Variants in ZNF423 observed in about 807,000 individuals in gnomAD.
The protein encoded by ZNF423 is Ebf-associated zinc finger protein.
In ZNF423, 12 loss-of-function variants were observed where a neutral mutation model predicts 95.8. That is an observed-to-expected ratio of 0.13 (90% CI 0.08 to 0.20). The LOEUF (loss-of-function observed/expected upper bound fraction) is 0.20. Ranked by LOEUF, ZNF423 falls within the 10% of genes least tolerant of loss-of-function variation. The probability of loss-of-function intolerance (pLI) is 1.00; values close to 1 mark genes in which losing one functional copy is unlikely to be tolerated. For synonymous variants in ZNF423, 749 were observed against 711.9 expected (o/e 1.05, Z -0.83); for missense variants, 1,316 against 1,737.1 (o/e 0.76, Z 4.31).
intron 3 of ZNF423, among the ~76,000 whole-genome samples, chr16:49,639,925 G>A (rs779006144): frequency 4.6e-5 from 7 of 152,310 alleles, no homozygotes; most frequent in East Asian, 1.9e-4. Context: ...GACATTCCCC[G>A]GCGGGGGCCG....
At chr16:49,663,403 C>A (rs12920279) in intron 3 of ZNF423, among the ~76,000 whole-genome samples, 2 of 151,786 alleles carry the variant, frequency 1.3e-5, no homozygotes, top group South Asian at 2.1e-4. Flanking sequence ...GCCCACCCCC[C>A]TCGAGGCCCT....
chr16:49,575,993 C>T (rs1396130565), intron 5 of ZNF423, among the ~76,000 whole-genome samples: 4 of 152,276 alleles, frequency 2.6e-5, no homozygotes, highest in East Asian at 1.9e-4. Flanking sequence ...TGGCTCTCTC[C>T]TGATCACCCC....
chr16:49,793,928 A>G (rs2034456232), intron 1 of ZNF423, among the ~76,000 whole-genome samples: 1 of 152,218 alleles, frequency 6.6e-6, no homozygotes, highest in Admixed American at 6.5e-5. Context: ...GAGGGGTCCC[A>G]GCAGTGGGGT....
intron 7 of ZNF423, among the ~76,000 whole-genome samples, chr16:49,521,177 G>A (rs184994860): frequency 3.3e-5 from 5 of 152,306 alleles, no homozygotes; most frequent in African/African-American, 7.2e-5. Flanking sequence ...GCTCAAAAAC[G>A]TCAGGATGGG....
chr16:49,507,931 AGAAATGTC>A (rs1447470155), intron 7 of ZNF423, among the ~76,000 whole-genome samples: 5 of 152,228 alleles, frequency 3.3e-5, no homozygotes, highest in Non-Finnish European at 5.9e-5. Context: ...GGGGTCACAC[AGAAATGTC>A]GGCCAGGGGC....
intron 2 of ZNF423, among the ~76,000 whole-genome samples, chr16:49,742,551 G>A (rs867223444): frequency 3.9e-5 from 6 of 151,966 alleles, no homozygotes; most frequent in East Asian, 1.9e-4. Flanking sequence ...TTACCTCCTC[G>A]TGACCTCCTG....
At chr16:49,542,047 T>C (rs1309958292) in intron 5 of ZNF423, among the ~76,000 whole-genome samples, 1 of 152,250 alleles carries the variant, frequency 6.6e-6, no homozygotes, top group Non-Finnish European at 1.5e-5. Flanking sequence ...ATGTTGGTAA[T>C]GACTAGGCCT....
At chr16:49,623,729 C>T (rs891989942) in intron 5 of ZNF423, among the ~76,000 whole-genome samples, 1 of 152,166 alleles carries the variant, frequency 6.6e-6, no homozygotes, top group Non-Finnish European at 1.5e-5. Context: ...ACCTGCTCTT[C>T]CTGGGCCCCT....
intron 5 of ZNF423, among the ~76,000 whole-genome samples, chr16:49,548,149 G>A (rs774106254): frequency 2.0e-5 from 3 of 152,174 alleles, no homozygotes; most frequent in Non-Finnish European, 4.4e-5. Flanking sequence ...CACCTCACCC[G>A]ACCTCACCCA....
chr16:49,854,135 C>G lies in ZNF423; in HGVS notation c.40+1600G>C, dbSNP rs1161978904. ...AGTCTCTCTTCTGGTTTCCCTGTCC[C>G]CCAATCAGAACACCCTCTGAACCCC... On this transcript the variant is annotated intron_variant, in intron 1 of 7. Coordinates refer to ENST00000563137, the MANE Select transcript of ZNF423 (RefSeq NM_001379286.1). The G allele has an allele frequency of 3.0e-6, 3 of 985,360 alleles. No individual in the cohort carries two copies. In the East Asian group the frequency reaches 3.4e-4, roughly 112 times the overall value. The allele number at this position is 985,360 out of a possible 1,614,324, so 61.0% of individuals were successfully genotyped here.
chr16:49,638,599 T>G lies in ZNF423; in HGVS notation c.577A>C (p.Ile193Leu). The change falls in exon 4 of 8, where the codon ATC becomes CTC. Residue 193 changes from isoleucine (I) to leucine (L), a missense_variant. By Grantham distance (5) the Ile-to-Leu change is conservative. Transcript: ENST00000563137. The surrounding 1 kb of genome is among the most constrained non-coding windows in gnomAD (Gnocchi z 5.6). The part of the protein sequence containing the change: ...FKHKRSRDRH[I>L]KLHTGDKKYH... ...TTCTTGTCGCCCGTATGCAGCTTGATGTGCCGGTCACGGCTCCTCTTGTGC... is the reference window on the plus strand; with the variant it reads ...TTCTTGTCGCCCGTATGCAGCTTGAGGTGCCGGTCACGGCTCCTCTTGTGC... 6 of 1,613,918 alleles carry G rather than the reference T, an allele frequency of 3.7e-6. No homozygotes were observed. The highest frequency in any genetic ancestry group is 5.1e-6 in the Non-Finnish European group (6 of 1,179,976).
intron 6 of ZNF423, among the ~76,000 whole-genome samples, chr16:49,525,132 C>A (rs1002898416): frequency 6.6e-6 from 1 of 152,186 alleles, no homozygotes; most frequent in African/African-American, 2.4e-5. Context: ...TGCCAACCAG[C>A]CTGCTGATGA....
chr16:49,644,658 C>CAAAAAAA lies in ZNF423; in HGVS notation c.302-5791_302-5785dup, dbSNP rs56066766. ...GGGTAACAAGAGTAAAACTCTGACTCAAAAAAAAAAAAAAAAAAAAAAAAA... is the reference window on the plus strand; with the variant it reads ...GGGTAACAAGAGTAAAACTCTGACTCAAAAAAAAAAAAAAAAAAAAAAAAAAAAAAAA... On this transcript the variant is annotated intron_variant, in intron 3 of 7. Transcript: ENST00000563137. 4.3e-4 allele frequency among the ~76,000 whole-genome samples: 17 copies of CAAAAAAA among 39,580 alleles called. 2 individuals carry two copies. The highest frequency in any genetic ancestry group is 7.0e-4 in the Non-Finnish European group (16 of 23,014). 26.0% of individuals were successfully genotyped at this position (39,580 alleles called of 152,430 possible).
At chr16:49,839,189 G>A (rs940980260) in intron 1 of ZNF423, among the ~76,000 whole-genome samples, 13 of 149,990 alleles carry the variant, frequency 8.7e-5, no homozygotes, top group Non-Finnish European at 1.5e-4. Flanking sequence ...GATCCTACAA[G>A]GCAACTGCGC....
chr16:49,659,319 T>C (rs1230114026), intron 3 of ZNF423, among the ~76,000 whole-genome samples: 5 of 152,228 alleles, frequency 3.3e-5, no homozygotes, highest in Non-Finnish European at 5.9e-5. Context: ...CTCAAACTCC[T>C]GGGCTAAACC....
chr16:49,606,255 T>A lies in ZNF423; in HGVS notation c.3601+19915A>T, dbSNP rs148673801. Among the ~76,000 whole-genome samples, 465 of 145,280 alleles carry A rather than the reference T, an allele frequency of 3.2e-3. 9 individuals carry two copies. In the Middle Eastern group the frequency reaches 0.051, roughly 16 times the overall value. The stretch of plus-strand genomic sequence containing the variant: ...CCTGTGCAGTAAGAAGAAACATCTG[T>A]AATGCCCACCGACAGCAGAAGGGGC... On this transcript the variant is annotated intron_variant, in intron 5 of 7. Transcript: ENST00000563137.
chr16:49,549,691 C>T (rs985509718), intron 5 of ZNF423, among the ~76,000 whole-genome samples: 1 of 152,176 alleles, frequency 6.6e-6, no homozygotes, highest in Non-Finnish European at 1.5e-5. Flanking sequence ...GTCCTTGTAA[C>T]GTCCTTTTGT....
At chr16:49,498,299 T>TG (rs1443152760) in intron 7 of ZNF423, among the ~76,000 whole-genome samples, 2 of 152,250 alleles carry the variant, frequency 1.3e-5, no homozygotes, top group Non-Finnish European at 2.9e-5. Context: ...ATGGCAGTGC[T>TG]GGGTCTGCAC....
intron 5 of ZNF423, among the ~76,000 whole-genome samples, chr16:49,583,087 C>G (rs1305535823): frequency 2.0e-5 from 3 of 152,180 alleles, no homozygotes; most frequent in Admixed American, 2.0e-4. Context: ...AAAGGCCAGC[C>G]AAGAAGAACC....
Sources: allele counts gnomAD v4.1 joint callset (sites outside exome capture counted in the v4.1 genomes callset), GRCh38; gene constraint gnomAD v4.1.1; non-coding constraint Gnocchi (gnomAD v3.1); transcripts MANE v1.5; gene names NCBI Gene and HGNC (gene_info 2026-07-23, HGNC 2026-07-21).